Variants in BCL2 observed in about 807,000 individuals in gnomAD.
BCL2 encodes the protein BCL2 apoptosis regulator, also known as apoptosis regulator Bcl-2.
BCL2 carries 1 observed loss-of-function variant against 14.2 expected under a neutral mutation model. The ratio of observed to expected loss-of-function variants is 0.07; its 90% CI spans 0.02 to 0.33. The LOEUF (loss-of-function observed/expected upper bound fraction) is 0.33, where lower values mean the gene tolerates loss of function less well. Ranked by LOEUF, BCL2 falls within the 10% of genes least tolerant of loss-of-function variation. The pLI, the probability that BCL2 is intolerant of heterozygous loss-of-function variation, is 0.99. For synonymous variants in BCL2, 151 were observed against 137.2 expected, an observed-to-expected ratio of 1.10 and a Z score of -0.70; for missense variants, 247 against 305.9, an observed-to-expected ratio of 0.81 and a Z score of 1.44.
chr18:63,232,936 T>G (rs984455126), intron 2 of BCL2, among the ~76,000 whole-genome samples: 3 of 152,252 alleles, frequency 2.0e-5, no homozygotes, highest in Admixed American at 2.0e-4. Flanking sequence ...TTCAGGTTGC[T>G]ATAACACAAA....
At chr18:63,202,096 G>A (rs1909711632) in intron 2 of BCL2, among the ~76,000 whole-genome samples, 1 of 152,108 alleles carries the variant, frequency 6.6e-6, no homozygotes, top group African/African-American at 2.4e-5. Context: ...ATCACTTGAG[G>A]TCAGGAGTTT....
chr18:63,284,052 G>C (rs373210879), intron 2 of BCL2, among the ~76,000 whole-genome samples: 12 of 152,294 alleles, frequency 7.9e-5, no homozygotes, highest in East Asian at 5.8e-4. Context: ...AGCACACAGG[G>C]TACCAGTGTG....
At chr18:63,131,313 C>A (rs1914064232) in intron 2 of BCL2, among the ~76,000 whole-genome samples, 2 of 152,096 alleles carry the variant, frequency 1.3e-5, no homozygotes, top group African/African-American at 4.8e-5. Flanking sequence ...GGCGCAAGGG[C>A]TTTCTTCTTC....
At chr18:63,219,934 G>T (rs1317987875) in intron 2 of BCL2, among the ~76,000 whole-genome samples, 4 of 152,126 alleles carry the variant, frequency 2.6e-5, no homozygotes, top group Admixed American at 2.0e-4. Flanking sequence ...ATGCACCCAA[G>T]AAAAGTAGGC....
At chr18:63,212,599 G>A (rs531261736) in intron 2 of BCL2, among the ~76,000 whole-genome samples, 14 of 147,860 alleles carry the variant, frequency 9.5e-5, no homozygotes, top group East Asian at 5.9e-4. Flanking sequence ...TACCTTGGCC[G>A]GGTGCGGTGG....
At position 63,124,070 on chromosome 18, in the gene BCL2, T is replaced by C; in HGVS notation, c.*4555A>G. 4.5e-6 allele frequency: 1 copy of C among 221,796 alleles called. No homozygotes were observed. The highest frequency in any genetic ancestry group is 9.0e-6 in the Non-Finnish European group (1 of 110,842). 13.7% of individuals were successfully genotyped at this position (221,796 alleles called of 1,614,324 possible). ...AGATGAACCGGTACAGTACCATTCA[T>C]GCTCCATCTGATTTTCTTTGCATCC... On this transcript the variant is annotated 3_prime_UTR_variant, in exon 3 of 3. Coordinates refer to ENST00000333681, the MANE Select transcript of BCL2 (RefSeq NM_000633.3).
At chr18:63,147,686 A>G (rs1914546714) in intron 2 of BCL2, among the ~76,000 whole-genome samples, 1 of 152,196 alleles carries the variant, frequency 6.6e-6, no homozygotes, top group Non-Finnish European at 1.5e-5. Context: ...TGAAAAACAT[A>G]TTCCAATAAC....
intron 2 of BCL2, among the ~76,000 whole-genome samples, chr18:63,286,425 A>G (rs1912476340): frequency 1.3e-5 from 2 of 152,214 alleles, no homozygotes; most frequent in Admixed American, 1.3e-4. Flanking sequence ...GGATAGGTTA[A>G]TTTTCATTGA....
chr18:63,195,588 T>A (rs1390842745), intron 2 of BCL2, among the ~76,000 whole-genome samples: 1 of 152,170 alleles, frequency 6.6e-6, no homozygotes, highest in Non-Finnish European at 1.5e-5. Flanking sequence ...CTTGGGACCT[T>A]TTTATTACAC....
chr18:63,318,705 C>A lies in BCL2; in HGVS notation c.-39G>T, dbSNP rs893573252. On this transcript the variant is annotated 5_prime_UTR_variant, in exon 2 of 3. Transcript: ENST00000333681. This position sits in a 1 kb window ranked among gnomAD's most constrained non-coding sequence, Gnocchi z 7.4. Reference sequence around the variant, plus strand: ...AAAGCAACGGGGGCCAACGGCACCTCTCGCCCCAGCTCCCACCCCACGGCC... The same window carrying A: ...AAAGCAACGGGGGCCAACGGCACCTATCGCCCCAGCTCCCACCCCACGGCC... The A allele has an allele frequency of 1.2e-6, 2 of 1,611,022 alleles. No individual in the cohort carries two copies. The highest frequency in any genetic ancestry group is 1.7e-6 in the Non-Finnish European group (2 of 1,178,566).
At chr18:63,244,885 G>A (rs997062177) in intron 2 of BCL2, among the ~76,000 whole-genome samples, 1 of 152,198 alleles carries the variant, frequency 6.6e-6, no homozygotes, top group Non-Finnish European at 1.5e-5. Flanking sequence ...CCACCAGACA[G>A]ATGTTTTCCC....
chr18:63,134,030 A>C (rs1046963076), intron 2 of BCL2, among the ~76,000 whole-genome samples: 106 of 152,324 alleles, frequency 7.0e-4, no homozygotes, highest in African/African-American at 2.5e-3. Flanking sequence ...ACGGTCAGCA[A>C]AACACGATTC....
rs953231301 is a variant in BCL2, at chr18:63,125,409, G to A, written c.*3216C>T. ...CAGCTGTCATTCTGGCCTCTCTTGC[G>A]GAGTATTTGTGCAGCGAGGGACTGG... On this transcript the variant is annotated 3_prime_UTR_variant, in exon 3 of 3. Transcript: ENST00000333681. The A allele has an allele frequency of 1.8e-5, 4 of 223,386 alleles. No homozygotes were observed. The highest frequency in any genetic ancestry group is 3.6e-5 in the Non-Finnish European group (4 of 111,830). 13.8% of individuals were successfully genotyped at this position (223,386 alleles called of 1,614,324 possible). A position where few individuals can be genotyped will look rare whatever the true frequency, so the allele number is the denominator to read the frequency against.
At chr18:63,300,987 A>C (rs1351957470) in intron 2 of BCL2, among the ~76,000 whole-genome samples, 1 of 152,256 alleles carries the variant, frequency 6.6e-6, no homozygotes, top group Non-Finnish European at 1.5e-5. Flanking sequence ...TTTTTTGAGA[A>C]AATGGACTTT....
At chr18:63,278,776 C>T (rs1912228430) in intron 2 of BCL2, among the ~76,000 whole-genome samples, 1 of 152,218 alleles carries the variant, frequency 6.6e-6, no homozygotes, top group African/African-American at 2.4e-5. Context: ...AATATTTTTC[C>T]TTAACAATAC....
chr18:63,181,345 G>A lies in BCL2; in HGVS notation c.586-52586C>T, dbSNP rs796303276. 5.9e-5 allele frequency among the ~76,000 whole-genome samples: 9 copies of A among 152,252 alleles called. 1 individual carries two copies. Among genetic ancestry groups the A allele is most frequent in the African/African-American group, 2.2e-4 (9 of 41,540 alleles). The stretch of plus-strand genomic sequence containing the variant: ...AAATCATTAGAAAGAGCAACTAGGA[G>A]GTGCAAAACAAGCCCTGGAAGGCAG... On this transcript the variant is annotated intron_variant, in intron 2 of 2. Transcript: ENST00000333681.
intron 2 of BCL2, among the ~76,000 whole-genome samples, chr18:63,183,762 C>A (rs1260226046): frequency 6.6e-6 from 1 of 152,204 alleles, no homozygotes; most frequent in Non-Finnish European, 1.5e-5. Flanking sequence ...ATATGGACAT[C>A]TGTAATCACA....
intron 2 of BCL2, among the ~76,000 whole-genome samples, chr18:63,224,950 C>T (rs1219490864): frequency 6.6e-6 from 1 of 151,812 alleles, no homozygotes; most frequent in African/African-American, 2.4e-5. Flanking sequence ...TCTAGAATAA[C>T]AGTGAAGACA....
chr18:63,170,359 C>T (rs1456796327), intron 2 of BCL2, among the ~76,000 whole-genome samples: 1 of 152,078 alleles, frequency 6.6e-6, no homozygotes, highest in Non-Finnish European at 1.5e-5. Flanking sequence ...TAGCAATGAG[C>T]TTGGAATGGT....
Sources: gnomAD v4.1 joint callset for allele counts (sites outside exome capture counted in the v4.1 genomes callset) on GRCh38, gnomAD v4.1.1 for gene constraint, Gnocchi (gnomAD v3.1) non-coding constraint, MANE v1.5 for transcripts, NCBI Gene and HGNC (gene_info 2026-07-23, HGNC 2026-07-21) for gene names.